SUSD4: variants seen among roughly 807,000 people sequenced by gnomAD.
SUSD4 encodes sushi domain-containing protein 4.
SUSD4 carries 41 observed loss-of-function variants against 50.5 expected under a neutral mutation model. The ratio of observed to expected loss-of-function variants is 0.81; its 90% CI spans 0.63 to 1.05. SUSD4 has a LOEUF of 1.05. Among genes scored for constraint, SUSD4 ranks in the 50% least tolerant of loss-of-function variants. The pLI, the probability that SUSD4 is intolerant of heterozygous loss-of-function variation, is 0.00. For missense variants in SUSD4, 580 were observed against 634.7 expected (o/e 0.91, Z 0.93); for synonymous variants, 257 against 257.3 (o/e 1.00, Z 0.01).
At chr1:223,253,605 T>C (rs568564134) in intron 5 of SUSD4, among the ~76,000 whole-genome samples, 2 of 152,218 alleles carry the variant, frequency 1.3e-5, no homozygotes, top group South Asian at 2.1e-4. Flanking sequence ...CTGCCGAATA[T>C]TGCCGAGTGA....
intron 2 of SUSD4, among the ~76,000 whole-genome samples, chr1:223,330,379 C>T (rs1361233778): frequency 1.3e-5 from 2 of 152,206 alleles, no homozygotes. Flanking sequence ...ATTCCCCAGG[C>T]CTTTCTTCTC....
intron 2 of SUSD4, among the ~76,000 whole-genome samples, chr1:223,316,700 A>G (rs186632204): frequency 6.6e-6 from 1 of 152,262 alleles, no homozygotes; most frequent in Non-Finnish European, 1.5e-5. Context: ...TCACATTCAC[A>G]CACCCATTTT....
chr1:223,282,348 T>C (rs1300918948), intron 3 of SUSD4, among the ~76,000 whole-genome samples: 1 of 152,196 alleles, frequency 6.6e-6, no homozygotes, highest in Non-Finnish European at 1.5e-5. Flanking sequence ...CCCCATCGTC[T>C]CAGCCCAAAA....
chr1:223,317,471 T>A (rs1280540463), intron 2 of SUSD4, among the ~76,000 whole-genome samples: 1 of 152,218 alleles, frequency 6.6e-6, no homozygotes, highest in Non-Finnish European at 1.5e-5. Context: ...TCTCCCTGAA[T>A]TCTTTCTTGC....
At chr1:223,223,782 T>G in intron 7 of SUSD4, 151 bp from the exon 8 acceptor site, 1 of 993,638 alleles carries the variant, frequency 1.0e-6, no homozygotes, top group South Asian at 1.9e-5. Flanking sequence ...CAGCCTCCTT[T>G]CAGGGACTCC....
At chr1:223,260,650 T>C (rs1023448139) in intron 5 of SUSD4, among the ~76,000 whole-genome samples, 4 of 152,222 alleles carry the variant, frequency 2.6e-5, no homozygotes, top group Non-Finnish European at 4.4e-5. Context: ...TTTTAAAACA[T>C]TACAGCCATC....
intron 5 of SUSD4, among the ~76,000 whole-genome samples, chr1:223,261,693 C>A (rs1662131218): frequency 6.6e-6 from 1 of 152,174 alleles, no homozygotes; most frequent in Non-Finnish European, 1.5e-5. Context: ...AGCACCTGAA[C>A]AACCAAAATT....
At chr1:223,264,398 T>G (rs1371072207) in intron 5 of SUSD4, 1 of 1,239,146 alleles carries the variant, frequency 8.1e-7, no homozygotes, top group African/African-American at 1.5e-5. Context: ...GTTCGCAACT[T>G]TTTCTTTTAT....
rs551817787 is a variant in SUSD4, at chr1:223,221,929, C to A, written c.*263G>T. 2.5e-5 allele frequency: 11 copies of A among 444,640 alleles called. 1 individual carries two copies. In the South Asian group the frequency reaches 5.2e-4, roughly 21 times the overall value. The allele number at this position is 444,640 out of a possible 1,614,324, so 27.5% of individuals were successfully genotyped here. A position where few individuals can be genotyped will look rare whatever the true frequency, so the allele number is the denominator to read the frequency against. On this transcript the variant is annotated 3_prime_UTR_variant, in exon 9 of 9. Transcript: ENST00000366878. ...TCCACAGCACGATACACATTTAACA[C>A]CCCTCATCCAAGACCACGCGAGGGC...
chr1:223,301,894 T>G (rs371402424), intron 2 of SUSD4, among the ~76,000 whole-genome samples: 2 of 152,134 alleles, frequency 1.3e-5, no homozygotes. Flanking sequence ...CCACCTTGAG[T>G]TTCCCATCAT....
At chr1:223,248,124 A>G (rs955903350) in intron 5 of SUSD4, among the ~76,000 whole-genome samples, 2 of 152,192 alleles carry the variant, frequency 1.3e-5, no homozygotes, top group Admixed American at 6.5e-5. Context: ...TGGGAAGTGA[A>G]GTGCTGTTCC....
chr1:223,287,080 T>C lies in SUSD4; in HGVS notation c.361+5359A>G, dbSNP rs527917580. 9.9e-4 allele frequency among the ~76,000 whole-genome samples: 150 copies of C among 152,230 alleles called. 1 individual carries two copies. In the South Asian group the frequency reaches 0.011, roughly 11 times the overall value. On this transcript the variant is annotated intron_variant, in intron 3 of 8. Coordinates refer to ENST00000366878, the MANE Select transcript of SUSD4 (RefSeq NM_017982.4). The stretch of plus-strand genomic sequence containing the variant: ...CGACTTACAGAGGTAGCTTTGTTTG[T>C]TTGCTTTTGTTTTTGAGGCAAGTCT...
chr1:223,292,531 T>C lies in SUSD4; in HGVS notation c.269A>G (p.Lys90Arg). The change falls in exon 3 of 9, where the codon AAG becomes AGG. Residue 90 changes from lysine to arginine, a missense_variant. Coordinates refer to ENST00000366878, the MANE Select transcript of SUSD4 (RefSeq NM_017982.4). Reference protein sequence around the residue: ...VARFHCQDGFKLKGATKRLCL... With the variant: ...VARFHCQDGFRLKGATKRLCL... The stretch of plus-strand genomic sequence containing the variant: ...CAGTCTCTTTGTAGCGCCCTTCAGC[T>C]TGAATCCGTCTTGGCAGTGAAATCG... 6.2e-7 allele frequency: 1 copy of C among 1,614,168 alleles called. No individual in the cohort carries two copies.
intron 2 of SUSD4, among the ~76,000 whole-genome samples, chr1:223,330,207 T>C (rs1667101433): frequency 6.6e-6 from 1 of 152,170 alleles, no homozygotes; most frequent in South Asian, 2.1e-4. Context: ...GGTTTTGCAA[T>C]TTCTCTACTG....
intron 2 of SUSD4, among the ~76,000 whole-genome samples, chr1:223,341,116 C>T (rs1667732017): frequency 6.6e-6 from 1 of 152,084 alleles, no homozygotes; most frequent in Admixed American, 6.5e-5. Context: ...CTTTTTGTTG[C>T]TGCTGTTGTA....
chr1:223,304,793 C>CATAT (rs57599818), intron 2 of SUSD4, among the ~76,000 whole-genome samples: 1 of 53,620 alleles, frequency 1.9e-5, no homozygotes, highest in Non-Finnish European at 3.0e-5. Flanking sequence ...CTCAGGTTTC[C>CATAT]ATATATATAT....
Position 223,223,417 on chromosome 1 carries a change from C to A in SUSD4, c.1276G>T (p.Glu426Ter). The change falls in exon 8 of 9, where the codon GAG (glutamate) becomes TAG (stop). Residue 426 changes from glutamate to a stop codon, truncating the protein, a stop_gained. Transcript: ENST00000366878. LOFTEE classifies it high-confidence loss of function. ...GSGDTDTGPG[E>*]SETCDSVSGS... ...GAGACGCTGTCACAGGTTTCTGACT[C>A]CCCTGGGCCTGTGTCCGTGTCCCCT... The A allele has an allele frequency of 6.2e-7, 1 of 1,613,848 alleles. No homozygotes were observed. The highest frequency in any genetic ancestry group is 8.5e-7 in the Non-Finnish European group (1 of 1,179,880).
At chr1:223,245,318 C>T (rs1660845710) in intron 5 of SUSD4, among the ~76,000 whole-genome samples, 1 of 151,114 alleles carries the variant, frequency 6.6e-6, no homozygotes, top group African/African-American at 2.4e-5. Context: ...ATCACTGGTC[C>T]CTTCACTACA....
At chr1:223,282,746 G>A (rs1663835605) in intron 3 of SUSD4, among the ~76,000 whole-genome samples, 1 of 152,104 alleles carries the variant, frequency 6.6e-6, no homozygotes. Flanking sequence ...CTACTTTAAA[G>A]TTCATATAGA....
Sources: gnomAD v4.1 joint callset for allele counts (sites outside exome capture counted in the v4.1 genomes callset) on GRCh38, gnomAD v4.1.1 for gene constraint, MANE v1.5 for transcripts, NCBI Gene and HGNC (gene_info 2026-07-23, HGNC 2026-07-21) for gene names.